AOPEP: variants seen among roughly 807,000 people sequenced by gnomAD.
AOPEP encodes the protein aminopeptidase O.
Under a neutral mutation model 98.1 loss-of-function variants are expected in AOPEP, and 77 were observed. The observed-to-expected ratio is 0.78, with a 90% CI of 0.65 to 0.95. The LOEUF is 0.95. Among genes scored for constraint, AOPEP ranks in the 40% least tolerant of loss-of-function variants. The pLI is 0.00. For synonymous variants in AOPEP, 346 were observed against 365.3 expected, an observed-to-expected ratio of 0.95 and a Z score of 0.60; for missense variants, 1,024 against 1,024.7, an observed-to-expected ratio of 1.00 and a Z score of 0.01.
Position 94,948,054 on chromosome 9 carries a change from T to C in AOPEP, c.1662-7123T>C, listed in dbSNP as rs148693682. Among the ~76,000 whole-genome samples, 1,445 of 152,344 alleles carry C rather than the reference T, an allele frequency of 9.5e-3. 10 individuals carry two copies. The highest frequency in any genetic ancestry group is 0.043 in the South Asian group (209 of 4,824). On this transcript the variant is annotated intron_variant, in intron 7 of 16. Coordinates refer to ENST00000375315, the MANE Select transcript of AOPEP (RefSeq NM_001193329.3). ...TTTTCATAGGCAAACAGTTAATTTT[T>C]TAAAAACTCTTTCTCTCTATTAGAT...
chr9:94,918,327 G>A (rs1312639007), intron 5 of AOPEP, among the ~76,000 whole-genome samples: 1 of 152,186 alleles, frequency 6.6e-6, no homozygotes, highest in Non-Finnish European at 1.5e-5. Context: ...CTTTCACTAG[G>A]AGGAGGCCTG....
chr9:95,096,868 G>A, the AOPEP span, among the ~76,000 whole-genome samples: 2 of 152,238 alleles, frequency 1.3e-5, no homozygotes, highest in African/African-American at 4.8e-5. Flanking sequence ...GTTGGAATCA[G>A]GTTGTCTATT....
In AOPEP at chr9:95,005,628, C is replaced by G; in HGVS notation, c.2115+12C>G. 1 of 1,611,870 alleles carries G rather than the reference C, an allele frequency of 6.2e-7. No individual in the cohort carries two copies. The highest frequency in any genetic ancestry group is 8.5e-7 in the Non-Finnish European group (1 of 1,178,082). ...AGGTGTTTGAAAAGGTAGGGGTTCCCGAGACGGTACTCGGTGCAGGTCTTG... is the reference window on the plus strand; with the variant it reads ...AGGTGTTTGAAAAGGTAGGGGTTCCGGAGACGGTACTCGGTGCAGGTCTTG... On this transcript the variant is annotated intron_variant, in intron 13 of 16. Transcript: ENST00000375315.
chr9:94,783,047 A>G (rs1843637262), intron 3 of AOPEP, among the ~76,000 whole-genome samples: 1 of 152,156 alleles, frequency 6.6e-6, no homozygotes, highest in Non-Finnish European at 1.5e-5. Flanking sequence ...TTTACCTGTG[A>G]CCACCTGGAG....
chr9:94,931,963 A>G (rs2055388843), intron 7 of AOPEP: 5 of 1,140,680 alleles, frequency 4.4e-6, no homozygotes, highest in South Asian at 2.1e-5. Flanking sequence ...TAATGCGTCT[A>G]ACCTCCTCTA....
At chr9:94,744,695 C>T (rs1481237812) in intron 1 of AOPEP, among the ~76,000 whole-genome samples, 1 of 116,500 alleles carries the variant, frequency 8.6e-6, no homozygotes, top group Non-Finnish European at 1.6e-5. Flanking sequence ...GAGTGAGACT[C>T]TGTCTCAAAA....
chr9:94,833,396 C>T (rs949719659), intron 5 of AOPEP, among the ~76,000 whole-genome samples: 1 of 151,972 alleles, frequency 6.6e-6, no homozygotes, highest in Non-Finnish European at 1.5e-5. Flanking sequence ...TGCCACCACA[C>T]TCAGCTAATT....
intron 3 of AOPEP, among the ~76,000 whole-genome samples, chr9:94,775,915 C>A (rs544815589): frequency 1.3e-4 from 20 of 151,966 alleles, no homozygotes; most frequent in African/African-American, 4.8e-4. Flanking sequence ...GAATCCGGGG[C>A]TTGCAGTGAG....
chr9:94,942,272 A>G (rs1464281206), intron 7 of AOPEP, among the ~76,000 whole-genome samples: 1 of 152,232 alleles, frequency 6.6e-6, no homozygotes, highest in Non-Finnish European at 1.5e-5. Context: ...TCATCCAGTG[A>G]GTGCTTTCTC....
intron 2 of AOPEP, among the ~76,000 whole-genome samples, chr9:94,771,518 T>C (rs758522027): frequency 6.6e-6 from 1 of 152,224 alleles, no homozygotes; most frequent in Non-Finnish European, 1.5e-5. Context: ...AGATCCATTT[T>C]CTGCTCTTAT....
At chr9:95,136,808 A>G in the AOPEP span, among the ~76,000 whole-genome samples, 20 of 152,280 alleles carry the variant, frequency 1.3e-4, no homozygotes, top group African/African-American at 4.3e-4. Context: ...GTGTAGCTAC[A>G]TTTGTTTCTA....
At chr9:95,034,712 C>T (rs1168385585) in intron 13 of AOPEP, among the ~76,000 whole-genome samples, 1 of 152,174 alleles carries the variant, frequency 6.6e-6, no homozygotes, top group Non-Finnish European at 1.5e-5. Context: ...AAGGTTGGAT[C>T]AAGTTTGCTC....
chr9:95,019,859 C>A (rs1355574537), intron 13 of AOPEP: 1 of 152,122 alleles, frequency 6.6e-6, no homozygotes, highest in African/African-American at 2.4e-5. Flanking sequence ...AGATTATAAC[C>A]CAAGCACGTG....
At chr9:95,146,127 T>C in the AOPEP span, among the ~76,000 whole-genome samples, 4 of 152,186 alleles carry the variant, frequency 2.6e-5, 1 homozygote, top group Non-Finnish European at 5.9e-5. Flanking sequence ...TTTTTTAAAA[T>C]GCATTGTATA....
intron 7 of AOPEP, chr9:94,933,095 CA>C (rs2055641571): frequency 2.0e-6 from 2 of 985,780 alleles, no homozygotes; most frequent in Non-Finnish European, 2.4e-6. Flanking sequence ...CTTCCCCAGG[CA>C]AAGTCTGATT....
chr9:95,007,463 C>G (rs191132575), intron 13 of AOPEP, among the ~76,000 whole-genome samples: 2 of 152,188 alleles, frequency 1.3e-5, no homozygotes, highest in African/African-American at 4.8e-5. Flanking sequence ...GATACAAGCT[C>G]TTGCGTTAAA....
intron 5 of AOPEP, among the ~76,000 whole-genome samples, chr9:94,804,589 C>T (rs1848853983): frequency 6.6e-6 from 1 of 152,148 alleles, no homozygotes; most frequent in South Asian, 2.1e-4. Flanking sequence ...AGCTTTTCCC[C>T]ACCTGTTCTA....
chr9:94,793,240 C>G lies in AOPEP; in HGVS notation c.1118+322C>G, dbSNP rs534592458. ...AAATTAGCCGGGCGTCCCAGCGACTCGGGAGGCTGAGGCAGGAGAATGGCT... is the reference window on the plus strand; with the variant it reads ...AAATTAGCCGGGCGTCCCAGCGACTGGGGAGGCTGAGGCAGGAGAATGGCT... On this transcript the variant is annotated intron_variant, in intron 4 of 16. Transcript: ENST00000375315. Among the ~76,000 whole-genome samples the G allele has an allele frequency of 2.4e-4, 36 of 151,878 alleles. 2 individuals are homozygous for G. The South Asian group carries it at 7.1e-3, about 30-fold the overall frequency.
chr9:94,833,180 C>G (rs1564216484), intron 5 of AOPEP, among the ~76,000 whole-genome samples: 1 of 151,346 alleles, frequency 6.6e-6, no homozygotes, highest in South Asian at 2.1e-4. Context: ...AAGTGATCCA[C>G]CCGCCTCTGC....
Sources: allele counts gnomAD v4.1 joint callset (sites outside exome capture counted in the v4.1 genomes callset), GRCh38; gene constraint gnomAD v4.1.1; transcripts MANE v1.5; gene names NCBI Gene and HGNC (gene_info 2026-07-23, HGNC 2026-07-21).